TJP1: variants seen among roughly 807,000 people sequenced by gnomAD.
The protein encoded by TJP1 is tight junction protein ZO-1.
Under a neutral mutation model 194.2 loss-of-function variants are expected in TJP1, and 43 were observed. That is an observed-to-expected ratio of 0.22 (90% CI 0.17 to 0.29). The LOEUF (loss-of-function observed/expected upper bound fraction) is 0.29, where lower values mean the gene tolerates loss of function less well. TJP1 is among the 10% of genes least tolerant of loss of function. The pLI is 1.00. For missense variants in TJP1, 1,971 were observed against 2,185.7 expected, an observed-to-expected ratio of 0.90 and a Z score of 1.96; for synonymous variants, 801 against 779.0, an observed-to-expected ratio of 1.03 and a Z score of -0.47.
At chr15:29,748,062 T>C (rs1166041265) in intron 8 of TJP1, among the ~76,000 whole-genome samples, 1 of 152,188 alleles carries the variant, frequency 6.6e-6, no homozygotes, top group African/African-American at 2.4e-5. Context: ...TTTTCAATAA[T>C]ACATAAAGAT....
chr15:29,737,763 C>T (rs181652308), intron 10 of TJP1, among the ~76,000 whole-genome samples: 1 of 152,266 alleles, frequency 6.6e-6, no homozygotes, highest in Admixed American at 6.5e-5. Flanking sequence ...CCAATTCACA[C>T]ATCATTTCTA....
intron 8 of TJP1, chr15:29,760,334 T>TAC: frequency 1.4e-6 from 1 of 693,748 alleles, no homozygotes; most frequent in Non-Finnish European, 2.6e-6. Flanking sequence ...CTCAGGTAGG[T>TAC]CATATACTAC....
intron 25 of TJP1, among the ~76,000 whole-genome samples, chr15:29,708,165 C>T (rs1459574011): frequency 6.8e-6 from 1 of 147,456 alleles, no homozygotes; most frequent in East Asian, 2.0e-4. Flanking sequence ...CACTGCACTC[C>T]AGCCTGGGCG....
At chr15:29,893,668 A>G (rs2053384397) in intron 2 of TJP1, among the ~76,000 whole-genome samples, 1 of 152,198 alleles carries the variant, frequency 6.6e-6, no homozygotes, top group Non-Finnish European at 1.5e-5. Flanking sequence ...TTTAACAATG[A>G]AACATTTTAA....
At chr15:29,836,638 A>C (rs917604263) in intron 2 of TJP1, among the ~76,000 whole-genome samples, 3 of 152,124 alleles carry the variant, frequency 2.0e-5, no homozygotes, top group Non-Finnish European at 4.4e-5. Flanking sequence ...ACAACATAAC[A>C]TTGCTATGGT....
chr15:29,716,517 T>C, intron 23 of TJP1, 94 bp downstream of exon 23: 1 of 920,990 alleles, frequency 1.1e-6, no homozygotes, highest in Non-Finnish European at 1.6e-6. Flanking sequence ...AGAAATCATA[T>C]ATTACACTTA....
intron 10 of TJP1, among the ~76,000 whole-genome samples, chr15:29,738,512 C>T (rs1051635228): frequency 6.6e-6 from 1 of 152,066 alleles, no homozygotes; most frequent in Admixed American, 6.5e-5. Context: ...GAACTAACAT[C>T]AGCTAGTCAT....
Position 29,710,864 on chromosome 15 carries a change from G to A in TJP1, c.4339C>T (p.Leu1447Phe). The A allele has an allele frequency of 6.2e-7, 1 of 1,614,098 alleles. No homozygotes were observed. The highest frequency in any genetic ancestry group is 8.5e-7 in the Non-Finnish European group (1 of 1,180,046). Residue 1447 changes from leucine to phenylalanine, a missense_variant, in exon 24 of 28, where the codon CTC becomes TTC. Transcript: ENST00000614355. The stretch of plus-strand genomic sequence containing the variant: ...TGTGCTCCCTTAGAATGTATGTGGA[G>A]AGACGCGCTGGTGACAGGCTGAGAT... Reference protein sequence around the residue: ...QPSQPVTSASLHIHSKGAHGE... With the variant: ...QPSQPVTSASFHIHSKGAHGE...
intron 2 of TJP1, among the ~76,000 whole-genome samples, chr15:29,886,280 A>AT (rs1332556115): frequency 6.6e-6 from 1 of 152,222 alleles, no homozygotes; most frequent in Non-Finnish European, 1.5e-5. Flanking sequence ...CAGTCATTAA[A>AT]TTTTTATTTT....
At chr15:29,870,320 A>G (rs1012015852) in intron 2 of TJP1, among the ~76,000 whole-genome samples, 1 of 152,238 alleles carries the variant, frequency 6.6e-6, no homozygotes, top group African/African-American at 2.4e-5. Context: ...AAAAAGAGAA[A>G]GGGATCCAAG....
chr15:29,783,342 C>CAA (rs779746407), intron 2 of TJP1, among the ~76,000 whole-genome samples: 1 of 150,114 alleles, frequency 6.7e-6, no homozygotes, highest in African/African-American at 2.4e-5. Flanking sequence ...TAAAAAAAGT[C>CAA]AAAAAAAAAT....
chr15:29,759,215 T>C (rs1467362603), intron 8 of TJP1: 4 of 152,194 alleles, frequency 2.6e-5, no homozygotes, highest in Non-Finnish European at 4.4e-5. Flanking sequence ...CTGTTTCTCT[T>C]AGCAATTTTA....
At chr15:29,931,380 A>G (rs903779479) in intron 2 of TJP1, among the ~76,000 whole-genome samples, 1 of 152,220 alleles carries the variant, frequency 6.6e-6, no homozygotes, top group Non-Finnish European at 1.5e-5. Flanking sequence ...AGTCATGTAC[A>G]ACAGCAAAAA....
At position 29,742,625 on chromosome 15, in the gene TJP1, T is replaced by C. The variant is rs758139720; in HGVS notation, c.1150+17A>G. On this transcript the variant is annotated intron_variant, in intron 9 of 27. Coordinates refer to ENST00000614355, the MANE Select transcript of TJP1 (RefSeq NM_001330239.4). ...ACTTGCAAATGTTTCTTGAACTTAG[T>C]GTTTCGTTATGCTTACCTGGAAGAG... The C allele has an allele frequency of 1.3e-6, 2 of 1,545,594 alleles. No homozygotes were observed. The highest frequency in any genetic ancestry group is 2.4e-5 in the East Asian group (1 of 42,322).
intron 2 of TJP1, among the ~76,000 whole-genome samples, chr15:29,949,430 A>ACTT (rs2055468073): frequency 1.4e-5 from 2 of 142,292 alleles, no homozygotes; most frequent in South Asian, 2.4e-4. Flanking sequence ...CTCCACAACC[A>ACTT]CCACCTCCAC....
At chr15:29,802,413 G>A (rs2048846870) in intron 1 of TJP1, among the ~76,000 whole-genome samples, 1 of 152,008 alleles carries the variant, frequency 6.6e-6, no homozygotes, top group African/African-American at 2.4e-5. Flanking sequence ...AAAGCAACTA[G>A]ATTATCCTGC....
At chr15:29,967,217 G>A (rs2056365029) in intron 1 of TJP1, among the ~76,000 whole-genome samples, 1 of 151,876 alleles carries the variant, frequency 6.6e-6, no homozygotes, top group Admixed American at 6.6e-5. Context: ...TGTTTATTTA[G>A]TAGAGATGGG....
Position 29,701,319 on chromosome 15 carries a change from A to T in TJP1, c.*276T>A. 1 of 341,008 alleles carries T rather than the reference A, an allele frequency of 2.9e-6. No homozygotes were observed. The highest frequency in any genetic ancestry group is 8.4e-4 in the Middle Eastern group (1 of 1,190). The allele number at this position is 341,008 out of a possible 1,614,324, so 21.1% of individuals were successfully genotyped here. A position where few individuals can be genotyped will look rare whatever the true frequency, so the allele number is the denominator to read the frequency against. On this transcript the variant is annotated 3_prime_UTR_variant, in exon 28 of 28. Transcript: ENST00000614355. ...CGGAAATCAATATGTGAAGTTAAGC[A>T]GTGACGATAAAAAAATTACAAAAAT...
chr15:29,738,374 A>C (rs1052756713), intron 10 of TJP1, among the ~76,000 whole-genome samples: 2 of 152,186 alleles, frequency 1.3e-5, no homozygotes, highest in African/African-American at 2.4e-5. Context: ...ACAACAACAA[A>C]AAGTCAAATA....
Sources: allele counts gnomAD v4.1 joint callset (sites outside exome capture counted in the v4.1 genomes callset), GRCh38; gene constraint gnomAD v4.1.1; transcripts MANE v1.5; gene names NCBI Gene and HGNC (gene_info 2026-07-23, HGNC 2026-07-21).